Variants in TRMT11 observed in about 807,000 individuals in gnomAD.
TRMT11 encodes the protein tRNA (guanine(10)-N(2))-methyltransferase TRMT11.
In TRMT11, 53 loss-of-function variants were observed where a neutral mutation model predicts 62.8. The ratio of observed to expected loss-of-function variants is 0.84; its 90% CI spans 0.68 to 1.06. The LOEUF is 1.06. Ranked by LOEUF, TRMT11 falls within the 50% of genes least tolerant of loss-of-function variation. TRMT11 has a pLI of 0.00. For synonymous variants in TRMT11, 188 were observed against 190.3 expected, an observed-to-expected ratio of 0.99 and a Z score of 0.10; for missense variants, 556 against 553.4, an observed-to-expected ratio of 1.00 and a Z score of -0.05.
rs866335547 is a variant in TRMT11, at chr6:125,994,749, A to G, written c.138+927A>G. On this transcript the variant is annotated intron_variant, in intron 2 of 12. Coordinates refer to ENST00000334379, the MANE Select transcript of TRMT11 (RefSeq NM_001031712.3). The stretch of plus-strand genomic sequence containing the variant: ...GACTGGATAATGAAAATGTACATAT[A>G]CACCATGGAAGCCATAAAAAGGAAC... Among the ~76,000 whole-genome samples, 20 of 152,364 alleles carry G rather than the reference A, an allele frequency of 1.3e-4. 1 individual carries two copies. The highest frequency in any genetic ancestry group is 6.8e-3 in the Middle Eastern group (2 of 294).
the TRMT11 span, among the ~76,000 whole-genome samples, chr6:126,270,680 C>A: frequency 2.6e-5 from 4 of 152,042 alleles, no homozygotes; most frequent in Non-Finnish European, 5.9e-5. Flanking sequence ...TAATAAAATA[C>A]ATTTTGCAAA....
chr6:126,142,600 C>T (rs1193379729), intron 21 of TRMT11, among the ~76,000 whole-genome samples: 2 of 152,184 alleles, frequency 1.3e-5, no homozygotes, highest in Non-Finnish European at 2.9e-5. Context: ...AAGGCACTCA[C>T]AATTTCTGAA....
the TRMT11 span, among the ~76,000 whole-genome samples, chr6:126,246,292 T>C: frequency 6.6e-6 from 1 of 152,212 alleles, no homozygotes; most frequent in Non-Finnish European, 1.5e-5. Flanking sequence ...TAATTACTGA[T>C]GCATTTGTGA....
chr6:126,026,959 C>G (rs1012965359), intron 12 of TRMT11, among the ~76,000 whole-genome samples: 6 of 151,468 alleles, frequency 4.0e-5, no homozygotes, highest in East Asian at 2.0e-4. Flanking sequence ...CCTGCCACCC[C>G]GTCCGGCTAA....
chr6:126,220,822 A>C, the TRMT11 span, among the ~76,000 whole-genome samples: 1 of 151,788 alleles, frequency 6.6e-6, no homozygotes, highest in African/African-American at 2.4e-5. Context: ...GGTAAATTGC[A>C]TGTCATGGGG....
chr6:126,180,660 A>G (rs1778447826), intron 1 of TRMT11, among the ~76,000 whole-genome samples: 1 of 152,262 alleles, frequency 6.6e-6, no homozygotes, highest in Admixed American at 6.5e-5. Context: ...TATTCAAATC[A>G]ATGAGTTACT....
chr6:126,193,583 C>G (rs565164524), intron 1 of TRMT11, among the ~76,000 whole-genome samples: 2 of 149,338 alleles, frequency 1.3e-5, no homozygotes, highest in Admixed American at 6.7e-5. Context: ...AGCTTCGCCT[C>G]CCAGGTTCAC....
intron 16 of TRMT11, among the ~76,000 whole-genome samples, chr6:126,049,377 T>A (rs188956396): frequency 7.0e-4 from 106 of 152,374 alleles, no homozygotes; most frequent in Middle Eastern, 3.4e-3. Context: ...ATTATTGATG[T>A]TGAAGCAGGC....
At position 126,011,346 on chromosome 6, in the gene TRMT11, A is replaced by G. The variant is rs200965062; in HGVS notation, c.854A>G (p.Asp285Gly). Reference protein sequence around the residue: ...RQYGLEKYYLDVLVSDASKPS... With the variant: ...RQYGLEKYYLGVLVSDASKPS... ...TATGGTTTAGAGAAGTATTACCTTGATGTCCTGGTTTCAGATGCATCTAAA... is the reference window on the plus strand; with the variant it reads ...TATGGTTTAGAGAAGTATTACCTTGGTGTCCTGGTTTCAGATGCATCTAAA... The change falls in exon 9 of 13, where the codon GAT becomes GGT. Residue 285 changes from aspartate to glycine, a missense_variant. Asp to Gly is a moderately conservative substitution (Grantham distance 94). Coordinates refer to ENST00000334379, the MANE Select transcript of TRMT11 (RefSeq NM_001031712.3). The G allele has an allele frequency of 6.2e-7, 1 of 1,613,432 alleles. No individual in the cohort carries two copies. The highest frequency in any genetic ancestry group is 1.3e-5 in the African/African-American group (1 of 75,022).
chr6:126,110,833 G>A lies in TRMT11; in HGVS notation c.*1438-2033G>A, dbSNP rs187669102. Among the ~76,000 whole-genome samples, 24 of 152,206 alleles carry A rather than the reference G, an allele frequency of 1.6e-4. No individual in the cohort carries two copies. The East Asian group carries it at 4.6e-3, about 29-fold the overall frequency. ...CATCATGATTTAACATTTATTGCAT[G>A]CCTATAGTCCCCTGGACAGACCCTG... On this transcript the variant is annotated intron_variant and NMD_transcript_variant, in intron 17 of 22. Coordinates refer to the TRMT11 transcript ENST00000648977.
At chr6:126,086,211 G>A (rs1022627475) in intron 17 of TRMT11, among the ~76,000 whole-genome samples, 14 of 151,888 alleles carry the variant, frequency 9.2e-5, no homozygotes, top group Admixed American at 4.6e-4. Flanking sequence ...AAATTTGCCC[G>A]GTTTAATACA....
At chr6:126,244,933 T>G in the TRMT11 span, among the ~76,000 whole-genome samples, 2 of 152,232 alleles carry the variant, frequency 1.3e-5, no homozygotes, top group African/African-American at 4.8e-5. Context: ...AAAAAGTTAT[T>G]TTAAAAATTA....
At chr6:126,093,619 A>ATTTT (rs1490736851) in intron 17 of TRMT11, among the ~76,000 whole-genome samples, 2 of 88,478 alleles carry the variant, frequency 2.3e-5, no homozygotes, top group African/African-American at 2.0e-4. Flanking sequence ...ATATATATAT[A>ATTTT]TATATATATA....
intron 17 of TRMT11, among the ~76,000 whole-genome samples, chr6:126,056,614 C>T (rs1211107164): frequency 1.3e-5 from 2 of 152,088 alleles, no homozygotes; most frequent in Non-Finnish European, 2.9e-5. Context: ...AGAGTGGTTT[C>T]CCATCAAGTA....
intron 17 of TRMT11, among the ~76,000 whole-genome samples, chr6:126,053,754 T>C (rs1040713697): frequency 1.3e-5 from 2 of 152,184 alleles, no homozygotes; most frequent in Non-Finnish European, 2.9e-5. Context: ...ATTAAAATTG[T>C]CTTGTGATCT....
the TRMT11 span, among the ~76,000 whole-genome samples, chr6:126,219,985 T>C: frequency 2.0e-5 from 3 of 152,234 alleles, no homozygotes; most frequent in Non-Finnish European, 4.4e-5. Flanking sequence ...AAAGTTTTTT[T>C]CTGGCTTATT....
intron 17 of TRMT11, among the ~76,000 whole-genome samples, chr6:126,063,804 CT>C (rs1325610615): frequency 2.6e-5 from 4 of 152,184 alleles, no homozygotes; most frequent in Non-Finnish European, 5.9e-5. Flanking sequence ...TGAGCAAAAG[CT>C]TTTACAGCCC....
intron 21 of TRMT11, among the ~76,000 whole-genome samples, chr6:126,166,446 T>A (rs1029728432): frequency 2.0e-5 from 3 of 152,184 alleles, no homozygotes; most frequent in African/African-American, 4.8e-5. Context: ...CCTGTTTGTC[T>A]GGGTATCACC....
At chr6:125,999,782 T>C (rs1395594288) in intron 7 of TRMT11, among the ~76,000 whole-genome samples, 169 bp downstream of exon 7, 1 of 152,180 alleles carries the variant, frequency 6.6e-6, no homozygotes, top group African/African-American at 2.4e-5. Context: ...TTAACACTTA[T>C]GCCACTTCAA....
Sources: gnomAD v4.1 joint callset for allele counts (sites outside exome capture counted in the v4.1 genomes callset) on GRCh38, gnomAD v4.1.1 for gene constraint, MANE v1.5 for transcripts, NCBI Gene and HGNC (gene_info 2026-07-23, HGNC 2026-07-21) for gene names.